The following OLAH variants were observed in gnomAD, a reference collection of about 807,000 sequenced individuals.
OLAH encodes the protein oleoyl-ACP hydrolase.
In OLAH, 33 loss-of-function variants were observed where a neutral mutation model predicts 27.8. The observed-to-expected ratio is 1.19, with a 90% CI of 0.90 to 1.59. The LOEUF is 1.59. Among genes scored for constraint, OLAH ranks in the 40% most tolerant of loss-of-function variants. The pLI, the probability that OLAH is intolerant of heterozygous loss-of-function variation, is 0.00. For missense variants in OLAH, 359 were observed against 310.8 expected (o/e 1.16, Z -1.17); for synonymous variants, 120 against 102.9 (o/e 1.17, Z -1.01).
chr10:15,049,129 T>TA (rs1229137202), intron 2 of OLAH, among the ~76,000 whole-genome samples: 9 of 111,336 alleles, frequency 8.1e-5, no homozygotes, highest in African/African-American at 3.2e-4. Flanking sequence ...TTGGAGACTA[T>TA]GTCTCCAAAA....
intron 6 of OLAH, among the ~76,000 whole-genome samples, chr10:15,066,742 G>A (rs943962393): frequency 6.6e-6 from 1 of 151,996 alleles, no homozygotes; most frequent in Non-Finnish European, 1.5e-5. Context: ...CCAGGTTCAA[G>A]CGATTCTCCT....
chr10:15,045,028 G>A (rs965431767), intron 1 of OLAH, among the ~76,000 whole-genome samples: 6 of 152,046 alleles, frequency 3.9e-5, no homozygotes, highest in East Asian at 3.9e-4. Context: ...CTCTTCTCTC[G>A]TCTGGTACTT....
intron 1 of OLAH, among the ~76,000 whole-genome samples, chr10:15,045,847 T>A (rs1035214186): frequency 3.9e-5 from 6 of 152,008 alleles, no homozygotes; most frequent in Non-Finnish European, 8.8e-5. Context: ...CTGGCCAACA[T>A]GGTGAAACCC....
At chr10:15,033,016 G>T (rs1843782885) in intron 1 of OLAH, among the ~76,000 whole-genome samples, 1 of 151,496 alleles carries the variant, frequency 6.6e-6, no homozygotes, top group Non-Finnish European at 1.5e-5. Flanking sequence ...GGGATTACAG[G>T]TGCCCACCAC....
Position 15,047,320 on chromosome 10 carries a change from G to A in OLAH, c.32G>A (p.Arg11Lys), listed in dbSNP as rs746131287. MERGDQPKRT[R>K]NENIFNCLYK... ...AGAGGAGACCAACCTAAGAGAACCA[G>A]GCAGGCCACCCCTTGTGCCACCAGG... The change falls in exon 2 of 8, where the codon AGG (arginine) becomes AAG (lysine). Residue 11 changes from arginine (R) to lysine (K), a missense_variant and splice_region_variant. Arg to Lys is a conservative substitution (Grantham distance 26). Transcript: ENST00000378228. The A allele has an allele frequency of 2.2e-5, 36 of 1,613,428 alleles. No homozygotes were observed. In the Admixed American group the frequency reaches 5.8e-4, roughly 26 times the overall value.
chr10:15,032,220 A>G (rs750303173), upstream of OLAH: 5 of 152,096 alleles, frequency 3.3e-5, no homozygotes, highest in Middle Eastern at 6.3e-3. Context: ...CCCAGACTCC[A>G]TCTTTCTCCC....
At chr10:15,065,420 T>C (rs1844447770) in intron 5 of OLAH, 164 bp from the exon 6 acceptor site, 2 of 644,922 alleles carry the variant, frequency 3.1e-6, no homozygotes, top group Non-Finnish European at 5.1e-6. Context: ...AGCCTTCTTC[T>C]CCCTACTTTC....
At chr10:15,064,008 G>A (rs912887833) in intron 4 of OLAH, among the ~76,000 whole-genome samples, 2 of 152,148 alleles carry the variant, frequency 1.3e-5, no homozygotes, top group Non-Finnish European at 2.9e-5. Flanking sequence ...TAACATTTTA[G>A]TATTTATCCT....
chr10:15,043,532 G>A (rs1843959478), upstream of OLAH, among the ~76,000 whole-genome samples: 1 of 148,088 alleles, frequency 6.8e-6, no homozygotes, highest in Non-Finnish European at 1.5e-5. Flanking sequence ...GGAGTGCAGT[G>A]GCGTGATCTC....
chr10:15,049,805 G>A (rs1186121316), intron 3 of OLAH, 40 bp downstream of exon 3: 1 of 1,570,684 alleles, frequency 6.4e-7, no homozygotes, highest in Non-Finnish European at 8.6e-7. Flanking sequence ...ATTTAAAAGG[G>A]CAGATGACAT....
chr10:15,041,233 C>T (rs750338148), upstream of OLAH, among the ~76,000 whole-genome samples: 1 of 152,016 alleles, frequency 6.6e-6, no homozygotes, highest in Non-Finnish European at 1.5e-5. Flanking sequence ...TTCTTGTCTT[C>T]TTTGATCTCT....
chr10:15,063,947 T>C (rs1445596556), intron 4 of OLAH, among the ~76,000 whole-genome samples: 1 of 152,178 alleles, frequency 6.6e-6, no homozygotes, highest in Non-Finnish European at 1.5e-5. Flanking sequence ...TCACATGTCA[T>C]ATAGCTTCTG....
intron 7 of OLAH, 45 bp from the exon 8 acceptor site, chr10:15,073,042 G>A: frequency 6.3e-7 from 1 of 1,579,230 alleles, no homozygotes; most frequent in Non-Finnish European, 8.7e-7. Flanking sequence ...TGAATCTTTA[G>A]TTGCTGTTGG....
At chr10:15,060,996 T>C (rs1844351557) in intron 3 of OLAH, among the ~76,000 whole-genome samples, 1 of 152,206 alleles carries the variant, frequency 6.6e-6, no homozygotes, top group African/African-American at 2.4e-5. Flanking sequence ...TGACTTGTCA[T>C]TGTTTCTGTT....
chr10:15,070,862 T>C (rs1400110243), intron 6 of OLAH, among the ~76,000 whole-genome samples: 6 of 149,422 alleles, frequency 4.0e-5, no homozygotes, highest in African/African-American at 1.5e-4. Context: ...CACAGCTCAC[T>C]GCAGCCTTGA....
At chr10:15,066,793 A>G (rs1023631561) in intron 6 of OLAH, among the ~76,000 whole-genome samples, 5 of 152,050 alleles carry the variant, frequency 3.3e-5, no homozygotes, top group Non-Finnish European at 7.4e-5. Flanking sequence ...GGCACCCGCC[A>G]CCACACCCAG....
chr10:15,056,825 G>T, intron 3 of OLAH: 1 of 1,489,416 alleles, frequency 6.7e-7, no homozygotes, highest in Non-Finnish European at 9.0e-7. Context: ...TTTTTGTAGA[G>T]ACAGCATCTC....
chr10:15,069,457 G>A (rs908612978), intron 6 of OLAH, among the ~76,000 whole-genome samples: 1 of 152,166 alleles, frequency 6.6e-6, no homozygotes, highest in African/African-American at 2.4e-5. Context: ...TGGTCAGGTG[G>A]CAGTCTAGTG....
intron 1 of OLAH, chr10:15,038,588 A>C (rs1307070037): frequency 1.3e-5 from 2 of 152,220 alleles, no homozygotes; most frequent in East Asian, 3.9e-4. Flanking sequence ...TCCCCTGTGC[A>C]AACTCTCTCT....
Sources: allele counts gnomAD v4.1 joint callset (sites outside exome capture counted in the v4.1 genomes callset), GRCh38; gene constraint gnomAD v4.1.1; transcripts MANE v1.5; gene names NCBI Gene and HGNC (gene_info 2026-07-23, HGNC 2026-07-21).